FAM53B: variants seen among roughly 807,000 people sequenced by gnomAD.
The protein encoded by FAM53B is family with sequence similarity 53 member B, also known as protein FAM53B.
FAM53B carries 12 observed loss-of-function variants against 32.7 expected under a neutral mutation model. The ratio of observed to expected loss-of-function variants is 0.37; its 90% CI spans 0.24 to 0.59. FAM53B has a LOEUF of 0.59. FAM53B is among the 20% of genes least tolerant of loss of function. The pLI, the probability that FAM53B is intolerant of heterozygous loss-of-function variation, is 0.72. For missense variants in FAM53B, 477 were observed against 577.7 expected (o/e 0.83, Z 1.79); for synonymous variants, 234 against 228.7 (o/e 1.02, Z -0.21).
At chr10:124,705,388 C>G (rs575395502) in intron 2 of FAM53B, among the ~76,000 whole-genome samples, 1 of 152,358 alleles carries the variant, frequency 6.6e-6, no homozygotes, top group South Asian at 2.1e-4. Context: ...GGAGGCTGGA[C>G]CCAACGGTTT....
Position 124,731,577 on chromosome 10 carries a change from CT to C in FAM53B, c.-175+12435del, listed in dbSNP as rs34416562. Reference sequence around the variant, plus strand: ...AATTATTAAGACACACAAAATCAACCTTTTTTTTTTTTTTAAGGAATCTAAG... The same window carrying C: ...AATTATTAAGACACACAAAATCAACCTTTTTTTTTTTTTAAGGAATCTAAG... On this transcript the variant is annotated intron_variant, in intron 1 of 4. Coordinates refer to ENST00000337318, the MANE Select transcript of FAM53B (RefSeq NM_014661.4). Among the ~76,000 whole-genome samples the C allele has an allele frequency of 6.7e-3, 967 of 144,964 alleles. 7 individuals carry two copies. Among genetic ancestry groups the C allele is most frequent in the Admixed American group, 0.012 (171 of 14,544 alleles).
At chr10:124,741,950 G>C (rs1469838749) in intron 1 of FAM53B, among the ~76,000 whole-genome samples, 1 of 152,194 alleles carries the variant, frequency 6.6e-6, no homozygotes, top group African/African-American at 2.4e-5. Flanking sequence ...GCAGCAGTGA[G>C]GTTGCTAGTT....
In FAM53B at chr10:124,696,374, C is replaced by T. The variant is rs114239281; in HGVS notation, c.79-162G>A. Reference sequence around the variant, plus strand: ...GGTATTCAAAGAGAAAACATCTGCACAAAATTAGGCCCAGATTTTTTGTCC... The same window carrying T: ...GGTATTCAAAGAGAAAACATCTGCATAAAATTAGGCCCAGATTTTTTGTCC... On this transcript the variant is annotated intron_variant, in intron 2 of 4. Transcript: ENST00000337318. Among the ~76,000 whole-genome samples, 869 of 152,310 alleles carry T rather than the reference C, an allele frequency of 5.7e-3. 16 individuals carry two copies. Among genetic ancestry groups the T allele is most frequent in the African/African-American group, 0.02 (841 of 41,572 alleles).
intron 1 of FAM53B, chr10:124,707,869 T>C (rs1297577921): frequency 6.6e-6 from 1 of 152,216 alleles, no homozygotes; most frequent in Non-Finnish European, 1.5e-5. Context: ...AAACTGAGCT[T>C]CCAGCAGTGA....
At chr10:124,728,542 A>T (rs1256364859) in intron 1 of FAM53B, among the ~76,000 whole-genome samples, 1 of 152,236 alleles carries the variant, frequency 6.6e-6, no homozygotes, top group Non-Finnish European at 1.5e-5. Context: ...TGACGCCTCC[A>T]GACTGCTGGC....
intron 4 of FAM53B, among the ~76,000 whole-genome samples, chr10:124,630,216 C>T (rs1348551935): frequency 6.6e-6 from 1 of 152,242 alleles, no homozygotes; most frequent in Admixed American, 6.5e-5. Flanking sequence ...AGTTTGAGAT[C>T]AGCCTGGGCA....
At chr10:124,672,692 T>G (rs1949713721) in intron 4 of FAM53B, among the ~76,000 whole-genome samples, 1 of 152,206 alleles carries the variant, frequency 6.6e-6, no homozygotes, top group South Asian at 2.1e-4. Flanking sequence ...CACTTTCAAA[T>G]GGACAAGAAC....
At chr10:124,730,404 G>A (rs538647404) in intron 1 of FAM53B, among the ~76,000 whole-genome samples, 1 of 152,344 alleles carries the variant, frequency 6.6e-6, no homozygotes, top group African/African-American at 2.4e-5. Context: ...AATGGTCATA[G>A]GATTTAGGGA....
intron 1 of FAM53B, among the ~76,000 whole-genome samples, chr10:124,737,207 T>C (rs1244954893): frequency 3.3e-5 from 5 of 152,166 alleles, no homozygotes; most frequent in African/African-American, 1.2e-4. Flanking sequence ...AAAATAGCAA[T>C]TCTCCTCTTC....
chr10:124,686,641 C>G (rs1949804781), intron 3 of FAM53B, among the ~76,000 whole-genome samples: 1 of 152,264 alleles, frequency 6.6e-6, no homozygotes, highest in Non-Finnish European at 1.5e-5. Context: ...ACATCTACTT[C>G]TCCTCCTAAG....
intron 4 of FAM53B, among the ~76,000 whole-genome samples, chr10:124,641,279 C>T (rs1259599361): frequency 6.6e-6 from 1 of 152,202 alleles, no homozygotes; most frequent in Non-Finnish European, 1.5e-5. Context: ...ATGCTGGGGC[C>T]AGTTTAACTC....
At chr10:124,694,378 CCA>C (rs1414325857) in intron 3 of FAM53B, among the ~76,000 whole-genome samples, 1 of 152,252 alleles carries the variant, frequency 6.6e-6, no homozygotes, top group Non-Finnish European at 1.5e-5. Context: ...GGACTTTTTC[CCA>C]CACACCTCCC....
intron 4 of FAM53B, among the ~76,000 whole-genome samples, chr10:124,625,040 G>A (rs927440887): frequency 9.9e-5 from 15 of 152,206 alleles, no homozygotes; most frequent in Admixed American, 8.5e-4. Context: ...CTCCCTCGCC[G>A]CACGCCTGCT....
At chr10:124,716,109 G>C (rs1950037192) in intron 1 of FAM53B, among the ~76,000 whole-genome samples, 1 of 152,232 alleles carries the variant, frequency 6.6e-6, no homozygotes, top group Admixed American at 6.5e-5. Context: ...TCCTTAGACA[G>C]AGAGGGCATA....
At chr10:124,729,087 T>C (rs1950125378) in intron 1 of FAM53B, among the ~76,000 whole-genome samples, 1 of 152,196 alleles carries the variant, frequency 6.6e-6, no homozygotes, top group Non-Finnish European at 1.5e-5. Flanking sequence ...TGGCACACAG[T>C]AGGTGCTCAG....
rs372602527 is a variant in FAM53B at position 124,727,256 on chromosome 10, G to A, written c.-175+16757C>T. Among the ~76,000 whole-genome samples, 9 of 146,816 alleles carry A rather than the reference G, an allele frequency of 6.1e-5. No individual in the cohort carries two copies. The East Asian group carries it at 6.3e-4, about 10-fold the overall frequency. ...TGGTCTCAAACTCCTGGGCTCAAGC[G>A]ATCTGCCTGCCTCAGCCTCAGGAAG... On this transcript the variant is annotated intron_variant, in intron 1 of 4. Transcript: ENST00000337318.
At position 124,669,021 on chromosome 10, in the gene FAM53B, C is replaced by A. The variant is rs960969411; in HGVS notation, c.906+12586G>T. The stretch of plus-strand genomic sequence containing the variant: ...GGCCCGAGAGCGGAGGCCAGCCAGG[C>A]CCCTGGCCTGGGGAAAGTGCAGGGC... On this transcript the variant is annotated intron_variant, in intron 4 of 4. Coordinates refer to ENST00000337318, the MANE Select transcript of FAM53B (RefSeq NM_014661.4). 3.3e-5 allele frequency among the ~76,000 whole-genome samples: 5 copies of A among 152,356 alleles called. No individual in the cohort carries two copies. The East Asian group carries it at 9.7e-4, about 29-fold the overall frequency.
At chr10:124,628,331 T>C (rs372904165) in intron 4 of FAM53B, among the ~76,000 whole-genome samples, 61 of 152,240 alleles carry the variant, frequency 4.0e-4, no homozygotes, top group Middle Eastern at 3.4e-3. Flanking sequence ...GGTCAGGTGA[T>C]ATGTCTGGGA....
At position 124,623,212 on chromosome 10, in the gene FAM53B, C is replaced by T. The variant is rs778948330; in HGVS notation, c.*30G>A. ...AGAGTGGGGGCTGTCGATGCCAGCA[C>T]ACCCCAGCCCTGCCTGGGCCCACAC... is the stretch of plus-strand genomic sequence containing the variant. On this transcript the variant is annotated 3_prime_UTR_variant, in exon 5 of 5. Coordinates refer to ENST00000337318, the MANE Select transcript of FAM53B (RefSeq NM_014661.4). The T allele has an allele frequency of 1.3e-6, 2 of 1,544,190 alleles. No homozygotes were observed. Among genetic ancestry groups the T allele is most frequent in the East Asian group, 2.3e-5 (1 of 43,930 alleles).
Sources: allele counts gnomAD v4.1 joint callset (sites outside exome capture counted in the v4.1 genomes callset), GRCh38; gene constraint gnomAD v4.1.1; transcripts MANE v1.5; gene names NCBI Gene and HGNC (gene_info 2026-07-23, HGNC 2026-07-21).